ANKRD27: variants seen among roughly 807,000 people sequenced by gnomAD.
The protein encoded by ANKRD27 is ankyrin repeat domain 27, also known as ankyrin repeat domain-containing protein 27.
ANKRD27 carries 112 observed loss-of-function variants against 129.7 expected under a neutral mutation model. That is an observed-to-expected ratio of 0.86 (90% CI 0.74 to 1.01). ANKRD27 has a LOEUF of 1.01. ANKRD27 is among the 50% of genes least tolerant of loss of function. The pLI is 0.00. For missense variants in ANKRD27, 1,258 were observed against 1,300.5 expected (o/e 0.97, Z 0.50); for synonymous variants, 516 against 511.2 (o/e 1.01, Z -0.13).
At chr19:32,674,628 A>AC (rs984293000) in intron 1 of ANKRD27, among the ~76,000 whole-genome samples, 12 of 148,402 alleles carry the variant, frequency 8.1e-5, no homozygotes, top group Admixed American at 7.3e-4. Context: ...CGCCCTCATC[A>AC]CCCCCCGGAA....
chr19:32,628,939 G>T, intron 13 of ANKRD27, 90 bp from the exon 14 acceptor site: 1 of 1,467,956 alleles, frequency 6.8e-7, no homozygotes. Flanking sequence ...TGGTTTTTTT[G>T]AGATGGAGTC....
intron 1 of ANKRD27, chr19:32,666,326 A>G (rs1189142998): frequency 6.6e-6 from 1 of 152,246 alleles, no homozygotes; most frequent in Non-Finnish European, 1.5e-5. Context: ...AGTATGGAAC[A>G]CACCTACCAC....
rs1402164854 is a variant in ANKRD27, at chr19:32,675,160, C to G, written c.-120G>C. ...TGCTGGGACCTCGATGCCCACCACC[C>G]TCGCGCGGCGATCTGGCCCTATAGC... On this transcript the variant is annotated 5_prime_UTR_variant, in exon 1 of 29. Coordinates refer to ENST00000306065, the MANE Select transcript of ANKRD27 (RefSeq NM_032139.3). 2 of 152,316 alleles carry G rather than the reference C, an allele frequency of 1.3e-5. No homozygotes were observed. Among genetic ancestry groups the G allele is most frequent in the African/African-American group, 4.8e-5 (2 of 41,426 alleles). The allele number at this position is 152,316 out of a possible 1,614,324, so 9.4% of individuals were successfully genotyped here. A position where few individuals can be genotyped will look rare whatever the true frequency, so the allele number is the denominator to read the frequency against.
chr19:32,627,792 G>A (rs1388407354), intron 15 of ANKRD27, among the ~76,000 whole-genome samples: 2 of 152,260 alleles, frequency 1.3e-5, no homozygotes. Flanking sequence ...TCATAGTTCA[G>A]ATTCAAGCCT....
chr19:32,626,866 GC>G (rs1568405053), intron 15 of ANKRD27, 39 bp from the exon 16 acceptor site: 1 of 1,431,740 alleles, frequency 7.0e-7, no homozygotes, highest in Admixed American at 1.9e-5. Flanking sequence ...GAAGGAAGGC[GC>G]AGAGGCCTTC....
chr19:32,664,617 A>AAATAATAATAAT (rs3042684), intron 1 of ANKRD27, among the ~76,000 whole-genome samples: 2,985 of 128,268 alleles, frequency 0.023, 52 homozygotes, highest in Non-Finnish European at 0.032. Context: ...CTCCATCCCC[A>AAATAATAATAAT]AATAATAATA....
Position 32,619,354 on chromosome 19 carries a change from G to A in ANKRD27, c.1913C>T (p.Ser638Phe), listed in dbSNP as rs777505047. 74 of 1,613,594 alleles carry A rather than the reference G, an allele frequency of 4.6e-5. No homozygotes were observed. Among genetic ancestry groups the A allele is most frequent in the Non-Finnish European group, 5.6e-5 (66 of 1,179,990 alleles). ...SEAPVQSPQR[S>F]VDSISQESST... ...GGACTCTTGGCTGATGGAGTCCACG[G>A]AGCGCTGCGGGGACTGCACAGGGGC... The change falls in exon 20 of 29, where the codon TCC becomes TTC. Residue 638 changes from serine (S) to phenylalanine (F), a missense_variant. By Grantham distance (155) the Ser-to-Phe change is radical. Transcript: ENST00000306065.
At chr19:32,622,702 A>T in intron 17 of ANKRD27, 83 bp from the exon 18 acceptor site, 2 of 1,304,064 alleles carry the variant, frequency 1.5e-6, no homozygotes, top group Non-Finnish European at 1.1e-6. Flanking sequence ...CTCCTCACCA[A>T]GCAAATGTGC....
chr19:32,656,050 A>G (rs1490598155), intron 2 of ANKRD27, among the ~76,000 whole-genome samples: 1 of 50,570 alleles, frequency 2.0e-5, no homozygotes, highest in African/African-American at 5.8e-5. Context: ...GAAAAGAAAG[A>G]AAAGAAAGAA....
intron 22 of ANKRD27, among the ~76,000 whole-genome samples, chr19:32,609,914 G>A (rs1022230198): frequency 9.2e-5 from 14 of 152,126 alleles, no homozygotes; most frequent in Non-Finnish European, 1.6e-4. Flanking sequence ...GGTGGCTCAC[G>A]CCTATAATCT....
chr19:32,647,476 C>G (rs927285805), intron 3 of ANKRD27, among the ~76,000 whole-genome samples: 1 of 151,544 alleles, frequency 6.6e-6, no homozygotes, highest in Non-Finnish European at 1.5e-5. Context: ...AGATTTTATT[C>G]CCATTCAGGA....
At chr19:32,644,643 C>G (rs1967268233) in intron 4 of ANKRD27, among the ~76,000 whole-genome samples, 164 bp from the exon 5 acceptor site, 1 of 152,188 alleles carries the variant, frequency 6.6e-6, no homozygotes, top group Admixed American at 6.5e-5. Flanking sequence ...GTCCAGAGAG[C>G]CTGGTCCTCT....
At position 32,605,968 on chromosome 19, in the gene ANKRD27, G is replaced by A. The variant is rs376981901; in HGVS notation, c.2374-14C>T. ...ACACTTCACCACCTGGGCCAGAGAA[G>A]GAAAACGTGCAAACTTAATCAAAAT... On this transcript the variant is annotated splice_polypyrimidine_tract_variant and intron_variant, in intron 23 of 28. Transcript: ENST00000306065. 263 of 1,606,666 alleles carry A rather than the reference G, an allele frequency of 1.6e-4. No homozygotes were observed. The highest frequency in any genetic ancestry group is 2.1e-4 in the Non-Finnish European group (242 of 1,176,336).
chr19:32,653,531 C>T (rs930388786), intron 2 of ANKRD27, among the ~76,000 whole-genome samples: 8 of 152,124 alleles, frequency 5.3e-5, no homozygotes, highest in African/African-American at 1.4e-4. Context: ...TAGTTGTAAG[C>T]ACAGAGGTGA....
At chr19:32,653,344 T>C (rs1310345748) in intron 2 of ANKRD27, among the ~76,000 whole-genome samples, 1 of 152,024 alleles carries the variant, frequency 6.6e-6, no homozygotes, top group African/African-American at 2.4e-5. Context: ...ATCAGACAAC[T>C]CAATAAAAGA....
At chr19:32,669,995 C>G (rs1043196568) in intron 1 of ANKRD27, among the ~76,000 whole-genome samples, 3 of 76,416 alleles carry the variant, frequency 3.9e-5, no homozygotes, top group African/African-American at 1.1e-4. Context: ...GATCCCGTCA[C>G]AAAAAAAAAA....
intron 18 of ANKRD27, 130 bp downstream of exon 18, chr19:32,622,292 G>T: frequency 1.1e-6 from 1 of 948,498 alleles, no homozygotes; most frequent in Non-Finnish European, 1.6e-6. Flanking sequence ...CCCACATGCG[G>T]CAGAAAGGGT....
intron 22 of ANKRD27, among the ~76,000 whole-genome samples, chr19:32,611,192 T>C (rs979141836): frequency 1.3e-5 from 2 of 152,094 alleles, no homozygotes; most frequent in Non-Finnish European, 2.9e-5. Context: ...GTAATTAAAG[T>C]GGGAAAACAC....
chr19:32,673,918 G>A (rs983452325), intron 1 of ANKRD27, among the ~76,000 whole-genome samples: 66 of 150,754 alleles, frequency 4.4e-4, no homozygotes, highest in African/African-American at 1.6e-3. Flanking sequence ...AGGCCAAGAC[G>A]AGAGCATGGC....
Sources: allele counts gnomAD v4.1 joint callset (sites outside exome capture counted in the v4.1 genomes callset), GRCh38; gene constraint gnomAD v4.1.1; transcripts MANE v1.5; gene names NCBI Gene and HGNC (gene_info 2026-07-23, HGNC 2026-07-21).